BABAM2: variants seen among roughly 807,000 people sequenced by gnomAD.
The protein encoded by BABAM2 is BRISC and BRCA1 A complex member 2.
BABAM2 carries 31 observed loss-of-function variants against 54.7 expected under a neutral mutation model. The observed-to-expected ratio is 0.57, with a 90% confidence interval of 0.43 to 0.77. BABAM2 has a LOEUF of 0.77. BABAM2 is among the 30% of genes least tolerant of loss of function. BABAM2 has a pLI of 0.00. For missense variants in BABAM2, 364 were observed against 455.8 expected (o/e 0.80, Z 1.83); for synonymous variants, 167 against 162.9 (o/e 1.03, Z -0.19).
At chr2:28,038,724 T>A (rs1479288956) in intron 5 of BABAM2, among the ~76,000 whole-genome samples, 1 of 152,234 alleles carries the variant, frequency 6.6e-6, no homozygotes. Context: ...TGTTCTTTTT[T>A]AATTTCTGTG....
At chr2:28,245,160 C>T (rs1290430297) in intron 10 of BABAM2, among the ~76,000 whole-genome samples, 2 of 151,928 alleles carry the variant, frequency 1.3e-5, no homozygotes, top group East Asian at 3.9e-4. Context: ...AGTGATGCAG[C>T]TAAACATCCT....
At chr2:28,308,488 A>G in intron 11 of BABAM2, 1 of 528,588 alleles carries the variant, frequency 1.9e-6, no homozygotes, top group East Asian at 5.1e-5. Flanking sequence ...CACCAGATCA[A>G]ACAGGCTGTG....
At chr2:28,165,837 C>T (rs999150644) in intron 7 of BABAM2, among the ~76,000 whole-genome samples, 4 of 152,016 alleles carry the variant, frequency 2.6e-5, no homozygotes, top group Non-Finnish European at 4.4e-5. Flanking sequence ...TGCCCGGCTA[C>T]ACTGAAGGCT....
intron 10 of BABAM2, among the ~76,000 whole-genome samples, chr2:28,253,559 T>G (rs1169250453): frequency 6.6e-6 from 1 of 152,192 alleles, no homozygotes; most frequent in Non-Finnish European, 1.5e-5. Context: ...CAAGATTAAA[T>G]GACAGAGCTA....
rs1344752422 is a variant in BABAM2 at position 28,304,214 on chromosome 2, C to G, written c.1088+5723C>G. 6.6e-6 allele frequency among the ~76,000 whole-genome samples: 1 copy of G among 151,956 alleles called. No homozygotes were observed. Among genetic ancestry groups the G allele is most frequent in the African/African-American group, 2.4e-5 (1 of 41,368 alleles). ...GGGATTACAGGCGCCCGCCACTATG[C>G]CCGGCCAATTTTTGTGTTTTTAGTA... is the stretch of plus-strand genomic sequence containing the variant. On this transcript the variant is annotated intron_variant, in intron 11 of 11. Coordinates refer to ENST00000379624, the MANE Select transcript of BABAM2 (RefSeq NM_199191.3). The surrounding 1 kb of genome is among the most constrained non-coding windows in gnomAD (Gnocchi z 4.0).
At chr2:28,178,515 A>G (rs969101625) in intron 7 of BABAM2, among the ~76,000 whole-genome samples, 2 of 152,156 alleles carry the variant, frequency 1.3e-5, no homozygotes, top group Admixed American at 6.5e-5. Context: ...GCTAAGAGGA[A>G]AGTGTATAGC....
At chr2:28,179,944 A>G (rs1019570446) in intron 7 of BABAM2, among the ~76,000 whole-genome samples, 1 of 152,294 alleles carries the variant, frequency 6.6e-6, no homozygotes, top group Middle Eastern at 3.4e-3. Flanking sequence ...AAACTACAAA[A>G]CATTGATGAA....
chr2:27,966,409 T>C (rs1670849410), intron 3 of BABAM2, among the ~76,000 whole-genome samples: 3 of 152,222 alleles, frequency 2.0e-5, no homozygotes, highest in Non-Finnish European at 4.4e-5. Context: ...TATCATTAAC[T>C]CCTGGGTTTA....
At chr2:27,908,610 C>T (rs1666358211) in intron 2 of BABAM2, among the ~76,000 whole-genome samples, 1 of 152,104 alleles carries the variant, frequency 6.6e-6, no homozygotes, top group African/African-American at 2.4e-5. Context: ...CCCTCCTTTC[C>T]TCCCCTCTCT....
At chr2:27,963,469 C>CAAAAAAAAAAAAAAAAAA (rs760525051) in intron 3 of BABAM2, among the ~76,000 whole-genome samples, 4 of 54,394 alleles carry the variant, frequency 7.4e-5, no homozygotes, top group Admixed American at 2.1e-4. Flanking sequence ...GACTCTTTCT[C>CAAAAAAAAAAAAAAAAAA]AAAAAAAAAA....
At chr2:28,096,482 G>A (rs1048962934) in intron 6 of BABAM2, among the ~76,000 whole-genome samples, 4 of 151,926 alleles carry the variant, frequency 2.6e-5, no homozygotes, top group Non-Finnish European at 5.9e-5. Context: ...AATATGAGAT[G>A]TCCTAGGCTT....
At chr2:28,141,651 GCTTT>G (rs1222267945) in intron 7 of BABAM2, among the ~76,000 whole-genome samples, 1 of 152,134 alleles carries the variant, frequency 6.6e-6, no homozygotes, top group African/African-American at 2.4e-5. Context: ...GCACTTCAGA[GCTTT>G]CCTCTTGTGT....
intron 11 of BABAM2, among the ~76,000 whole-genome samples, chr2:28,337,929 G>C (rs1691611706): frequency 6.6e-6 from 1 of 152,234 alleles, no homozygotes; most frequent in Admixed American, 6.5e-5. Flanking sequence ...CAGAGTTACA[G>C]TGTGCTGTGG....
intron 7 of BABAM2, among the ~76,000 whole-genome samples, chr2:28,211,666 G>A (rs1006930958): frequency 2.6e-5 from 4 of 152,076 alleles, no homozygotes; most frequent in Non-Finnish European, 5.9e-5. Context: ...TGGGATTACA[G>A]GCATGAGCCA....
rs1690804579 is a variant in BABAM2 at position 28,329,943 on chromosome 2, G to A, written c.1089-8507G>A. Reference sequence around the variant, plus strand: ...GTGTAAAAATCCTCAATAAAATACTGGCAGACTGAATCCAGCAGCACATCA... The same window carrying A: ...GTGTAAAAATCCTCAATAAAATACTAGCAGACTGAATCCAGCAGCACATCA... On this transcript the variant is annotated intron_variant, in intron 11 of 11. Coordinates refer to ENST00000379624, the MANE Select transcript of BABAM2 (RefSeq NM_199191.3). This position sits in a 1 kb window ranked among gnomAD's most constrained non-coding sequence, Gnocchi z 4.2. Among the ~76,000 whole-genome samples, 1 of 152,098 alleles carries A rather than the reference G, an allele frequency of 6.6e-6. No homozygotes were observed. Among genetic ancestry groups the A allele is most frequent in the Non-Finnish European group, 1.5e-5 (1 of 68,020 alleles).
chr2:27,987,672 G>A (rs1009493793), intron 3 of BABAM2, among the ~76,000 whole-genome samples: 6 of 151,770 alleles, frequency 4.0e-5, no homozygotes, highest in Admixed American at 3.9e-4. Context: ...AAAATTATCT[G>A]GGCATGGTGA....
rs1355050895 is a variant in BABAM2, at chr2:28,329,512, C to T, written c.1089-8938C>T. On this transcript the variant is annotated intron_variant, in intron 11 of 11. Coordinates refer to ENST00000379624, the MANE Select transcript of BABAM2 (RefSeq NM_199191.3). This position sits in a 1 kb window ranked among gnomAD's most constrained non-coding sequence, Gnocchi z 4.2. ...ATAAAGGGGCTATCACCACTGACCC[C>T]ACAGAAATACAAACAACCATCAGAG... Among the ~76,000 whole-genome samples, 1 of 152,144 alleles carries T rather than the reference C, an allele frequency of 6.6e-6. No homozygotes were observed. Among genetic ancestry groups the T allele is most frequent in the Non-Finnish European group, 1.5e-5 (1 of 68,022 alleles).
chr2:27,997,909 T>C (rs10196266), intron 4 of BABAM2, among the ~76,000 whole-genome samples: 151,099 of 152,292 alleles, frequency 0.99, 74,978 homozygotes, highest in Middle Eastern at 1. Flanking sequence ...AATCTGAGCA[T>C]GCTGGGAGGC....
rs1250340670 is a variant in BABAM2 at position 28,325,844 on chromosome 2, G to C, written c.1089-12606G>C. ...CCATGAGCTCTGGCCTCTGGATGCT[G>C]AGATCTGGTGGAAGAAAGTGAACTT... On this transcript the variant is annotated intron_variant, in intron 11 of 11. Coordinates refer to ENST00000379624, the MANE Select transcript of BABAM2 (RefSeq NM_199191.3). This position sits in a 1 kb window ranked among gnomAD's most constrained non-coding sequence, Gnocchi z 4.3. Among the ~76,000 whole-genome samples, 3 of 152,234 alleles carry C rather than the reference G, an allele frequency of 2.0e-5. No homozygotes were observed. The highest frequency in any genetic ancestry group is 4.4e-5 in the Non-Finnish European group (3 of 68,042).
Sources: allele counts gnomAD v4.1 joint callset (sites outside exome capture counted in the v4.1 genomes callset), GRCh38; gene constraint gnomAD v4.1.1; non-coding constraint Gnocchi (gnomAD v3.1); transcripts MANE v1.5; gene names NCBI Gene and HGNC (gene_info 2026-07-23, HGNC 2026-07-21).